The following EPS8 variants were observed in gnomAD, a reference collection of about 807,000 sequenced individuals.
EPS8 encodes the protein epidermal growth factor receptor kinase substrate 8.
A neutral mutation model predicts 103.8 loss-of-function variants in EPS8; 42 were observed. That is an observed-to-expected ratio of 0.40 (90% CI 0.32 to 0.52). EPS8 has a LOEUF of 0.52. Among genes scored for constraint, EPS8 ranks in the 20% least tolerant of loss-of-function variants. The pLI is 0.40. For missense variants in EPS8, 969 were observed against 1,005.1 expected (o/e 0.96, Z 0.49); for synonymous variants, 344 against 344.6 (o/e 1.00, Z 0.02).
At chr12:15,766,253 G>A (rs1340138218) in intron 1 of EPS8, among the ~76,000 whole-genome samples, 1 of 151,224 alleles carries the variant, frequency 6.6e-6, no homozygotes, top group African/African-American at 2.4e-5. Context: ...CGAGGCGGGT[G>A]GATCACCTGA....
chr12:15,630,039 T>C (rs990972970), intron 18 of EPS8, among the ~76,000 whole-genome samples: 1 of 152,168 alleles, frequency 6.6e-6, no homozygotes, highest in African/African-American at 2.4e-5. Context: ...TTGGGAATCA[T>C]TCTTTTCCCA....
In EPS8 at chr12:15,728,300, T is replaced by C. The variant is rs957026090; in HGVS notation, c.-21-45328A>G. ...CACGGAAGCCAATTCATAGATTCCATTTTCAAACCAGGGGGGGTGCCTTGT... is the reference window on the plus strand; with the variant it reads ...CACGGAAGCCAATTCATAGATTCCACTTTCAAACCAGGGGGGGTGCCTTGT... On this transcript the variant is annotated intron_variant, in intron 1 of 20. Coordinates refer to ENST00000281172, the MANE Select transcript of EPS8 (RefSeq NM_004447.6). This position sits in a 1 kb window ranked among gnomAD's most constrained non-coding sequence, Gnocchi z 4.5. 3.9e-5 allele frequency: 6 copies of C among 152,228 alleles called. No individual in the cohort carries two copies. The highest frequency in any genetic ancestry group is 1.2e-4 in the African/African-American group (5 of 41,452). 9.4% of individuals were successfully genotyped at this position (152,228 alleles called of 1,614,324 possible). A position where few individuals can be genotyped will look rare whatever the true frequency, so the allele number is the denominator to read the frequency against.
chr12:15,634,816 G>A (rs537999778), intron 17 of EPS8: 1 of 398,342 alleles, frequency 2.5e-6, no homozygotes, highest in East Asian at 3.6e-5. Context: ...TACAGGAAAT[G>A]GAATTAAAAT....
chr12:15,722,146 G>C (rs1946603599), intron 1 of EPS8, among the ~76,000 whole-genome samples: 1 of 145,746 alleles, frequency 6.9e-6, no homozygotes, highest in Non-Finnish European at 1.5e-5. Flanking sequence ...GGAAGAAGAA[G>C]AATTGTCTTG....
chr12:15,766,505 A>T (rs1246280203), intron 1 of EPS8, among the ~76,000 whole-genome samples: 1 of 151,240 alleles, frequency 6.6e-6, no homozygotes, highest in Non-Finnish European at 1.5e-5. Flanking sequence ...TCAAAAAAAA[A>T]AAAAAATACA....
intron 7 of EPS8, 103 bp from the exon 8 acceptor site, chr12:15,665,995 T>C (rs551340034): frequency 5.9e-6 from 7 of 1,183,442 alleles, no homozygotes; most frequent in Middle Eastern, 2.7e-4. Flanking sequence ...AAAAGAACTA[T>C]GTCAAGGGAC....
At position 15,779,788 on chromosome 12, in the gene EPS8, ACT is replaced by A. The variant is rs1947241919; in HGVS notation, c.-22+9371_-22+9372del. Among the ~76,000 whole-genome samples, 1 of 152,066 alleles carries A rather than the reference ACT, an allele frequency of 6.6e-6. No individual in the cohort carries two copies. The highest frequency in any genetic ancestry group is 2.4e-5 in the African/African-American group (1 of 41,384). ...AAAAACACAATTTTTCAATTATAGA[ACT>A]CTGATCTCTTATCAAGCACATAATT... is the stretch of plus-strand genomic sequence containing the variant. On this transcript the variant is annotated intron_variant, in intron 1 of 20. Transcript: ENST00000281172. This position sits in a 1 kb window ranked among gnomAD's most constrained non-coding sequence, Gnocchi z 4.3.
At chr12:15,634,613 G>T in intron 17 of EPS8, 1 of 395,654 alleles carries the variant, frequency 2.5e-6, no homozygotes, top group Non-Finnish European at 4.5e-6. Context: ...CTCTAAATTT[G>T]GTTATTTGGG....
At chr12:15,686,942 G>A (rs904693524) in intron 1 of EPS8, among the ~76,000 whole-genome samples, 1 of 152,046 alleles carries the variant, frequency 6.6e-6, no homozygotes, top group Non-Finnish European at 1.5e-5. Context: ...GTTTGGATAT[G>A]ATATTGAAAC....
intron 3 of EPS8, among the ~76,000 whole-genome samples, chr12:15,674,708 C>T (rs1945873938): frequency 6.6e-6 from 1 of 152,074 alleles, no homozygotes; most frequent in Non-Finnish European, 1.5e-5. Flanking sequence ...GGAAAACTGC[C>T]GAACTGTCTT....
intron 4 of EPS8, among the ~76,000 whole-genome samples, chr12:15,670,302 A>G (rs1455576687): frequency 6.6e-6 from 1 of 152,142 alleles, no homozygotes; most frequent in African/African-American, 2.4e-5. Flanking sequence ...CACTAAAACC[A>G]CTTACTGAAA....
chr12:15,755,730 C>G, intron 1 of EPS8, among the ~76,000 whole-genome samples: 1 of 152,142 alleles, frequency 6.6e-6, no homozygotes, highest in Non-Finnish European at 1.5e-5. Context: ...AGCTTTCTCT[C>G]CACCCTCGTC....
chr12:15,726,416 C>G (rs1415490417), intron 1 of EPS8, among the ~76,000 whole-genome samples: 2 of 152,086 alleles, frequency 1.3e-5, no homozygotes, highest in Non-Finnish European at 2.9e-5. Flanking sequence ...GAGGAAAGCA[C>G]TGGCTCAGAA....
At chr12:15,732,669 G>T in intron 1 of EPS8, 2 of 523,166 alleles carry the variant, frequency 3.8e-6, no homozygotes, top group Non-Finnish European at 4.9e-6. Flanking sequence ...TCAAATAAAT[G>T]ACCTACTGTT....
In EPS8 at chr12:15,641,746, C is replaced by A; in HGVS notation, c.1653G>T (p.Ser551=). 1 of 1,578,502 alleles carries A rather than the reference C, an allele frequency of 6.3e-7. No individual in the cohort carries two copies. The highest frequency in any genetic ancestry group is 8.6e-7 in the Non-Finnish European group (1 of 1,159,200). Residue 551 remains serine (S), a synonymous_variant, in exon 16 of 21, where the codon TCG becomes TCT. Coordinates refer to ENST00000281172, the MANE Select transcript of EPS8 (RefSeq NM_004447.6). Reference sequence around the variant, plus strand: ...CCTCTAAAATATCATCCTTTAGAACCGAGAGCTCACTGTTGTTCCTTGCTA... The same window carrying A: ...CCTCTAAAATATCATCCTTTAGAACAGAGAGCTCACTGTTGTTCCTTGCTA... ...DFVARNNSEL[S]VLKDDILEIL...
At position 15,666,629 on chromosome 12, in the gene EPS8, T is replaced by C; in HGVS notation, c.517-107A>G. ...TTCCTTGTCTGAATCAGTAAGTATC[T>C]TGATGTAAAAAGTCTTTTTATAAAA... On this transcript the variant is annotated intron_variant, in intron 6 of 20. Transcript: ENST00000281172. 4 of 737,732 alleles carry C rather than the reference T, an allele frequency of 5.4e-6. No individual in the cohort carries two copies. In the South Asian group the frequency reaches 7.5e-5, roughly 14 times the overall value. The allele number at this position is 737,732 out of a possible 1,614,324, so 45.7% of individuals were successfully genotyped here.
chr12:15,631,802 A>G lies in EPS8; in HGVS notation c.1822-138T>C, dbSNP rs565558626. ...CCATTACTCATTTATCTGTAATCCT[A>G]TATGGTATAATGACCATTAAAAATC... On this transcript the variant is annotated intron_variant, in intron 17 of 20. Transcript: ENST00000281172. 72 of 642,722 alleles carry G rather than the reference A, an allele frequency of 1.1e-4. No homozygotes were observed. In the South Asian group the frequency reaches 1.5e-3, roughly 13 times the overall value. 39.8% of individuals were successfully genotyped at this position (642,722 alleles called of 1,614,324 possible).
At position 15,772,389 on chromosome 12, in the gene EPS8, G is replaced by GT. The variant is rs1321823123; in HGVS notation, c.-22+16771dup. Among the ~76,000 whole-genome samples, 2 of 152,096 alleles carry GT rather than the reference G, an allele frequency of 1.3e-5. No homozygotes were observed. Among genetic ancestry groups the GT allele is most frequent in the Non-Finnish European group, 2.9e-5 (2 of 68,010 alleles). On this transcript the variant is annotated intron_variant, in intron 1 of 20. Transcript: ENST00000281172. The surrounding 1 kb of genome is among the most constrained non-coding windows in gnomAD (Gnocchi z 5.0). Reference sequence around the variant, plus strand: ...AAAGGCATCACCTGAAGAACTGAGAGTAACTGTTCTAAACGAAACACTGAG... The same window carrying GT: ...AAAGGCATCACCTGAAGAACTGAGAGTTAACTGTTCTAAACGAAACACTGAG...
At position 15,638,591 on chromosome 12, in the gene EPS8, T is replaced by C. The variant is rs143982692; in HGVS notation, c.1821+2112A>G. On this transcript the variant is annotated intron_variant, in intron 17 of 20. Coordinates refer to ENST00000281172, the MANE Select transcript of EPS8 (RefSeq NM_004447.6). ...CCGAATTTTTAAGAAGAGAGTAGGA[T>C]AGTGTTGAAAAGTTTAAAACGAAAT... 4.5e-3 allele frequency among the ~76,000 whole-genome samples: 680 copies of C among 152,274 alleles called. 7 individuals are homozygous for C. Among genetic ancestry groups the C allele is most frequent in the Middle Eastern group, 0.014 (4 of 294 alleles).
Sources: allele counts gnomAD v4.1 joint callset (sites outside exome capture counted in the v4.1 genomes callset), GRCh38; gene constraint gnomAD v4.1.1; non-coding constraint Gnocchi (gnomAD v3.1); transcripts MANE v1.5; gene names NCBI Gene and HGNC (gene_info 2026-07-23, HGNC 2026-07-21).